The following SULT1A1 variants were observed in gnomAD, a reference collection of about 807,000 sequenced individuals.
SULT1A1 encodes sulfotransferase family 1A member 1, also known as sulfotransferase 1A1.
Under a neutral mutation model 36.8 loss-of-function variants are expected in SULT1A1, and 35 were observed. The ratio of observed to expected loss-of-function variants is 0.95; its 90% CI spans 0.73 to 1.26. The LOEUF is 1.26. Ranked by LOEUF, SULT1A1 falls within the 50% of genes most tolerant of loss-of-function variation. The pLI is 0.00. For missense variants in SULT1A1, 309 were observed against 383.0 expected (o/e 0.81, Z 1.61); for synonymous variants, 119 against 146.0 (o/e 0.82, Z 1.33).
chr16:28,607,358 A>T, intron 4 of SULT1A1: 1 of 507,334 alleles, frequency 2.0e-6, no homozygotes, highest in Non-Finnish European at 3.3e-6. Flanking sequence ...TCCCACCGCC[A>T]CCAAATTTTG....
rs1303232421 is a variant in SULT1A1, at chr16:28,609,942, G to T, written c.-16C>A. 1 of 1,287,606 alleles carries T rather than the reference G, an allele frequency of 7.8e-7. No individual in the cohort carries two copies. The highest frequency in any genetic ancestry group is 1.0e-6 in the Non-Finnish European group (1 of 987,228). 79.8% of individuals were successfully genotyped at this position (1,287,606 alleles called of 1,614,324 possible). On this transcript the variant is annotated 5_prime_UTR_variant, in exon 1 of 8. Transcript: ENST00000314752. ...ACTGTGTCACTCACCTGAGCTCTTG[G>T]GAACCTGGCCTCGTGCCCTCCTCGC...
At chr16:28,608,988 C>A in intron 1 of SULT1A1, 129 bp from the exon 2 acceptor site, 4 of 1,575,330 alleles carry the variant, frequency 2.5e-6, no homozygotes, top group South Asian at 1.1e-5. Flanking sequence ...CTCACAAAGC[C>A]ACTCAGTGGC....
intron 1 of SULT1A1, chr16:28,609,563 A>G: frequency 2.2e-6 from 1 of 455,200 alleles, no homozygotes. Context: ...CTGGTGCAGC[A>G]TTGCAAGACC....
intron 1 of SULT1A1, among the ~76,000 whole-genome samples, chr16:28,621,928 C>T (rs1312055898): frequency 1.3e-5 from 2 of 152,196 alleles, no homozygotes; most frequent in Non-Finnish European, 2.9e-5. Context: ...CTGACCTCAA[C>T]CTGTTCTTCC....
intron 6 of SULT1A1, 105 bp from the exon 7 acceptor site, chr16:28,606,341 G>A: frequency 6.3e-7 from 1 of 1,574,986 alleles, no homozygotes; most frequent in African/African-American, 1.3e-5. Context: ...ACTTCTCCTA[G>A]AAACCCTGCA....
rs558683623 is a variant in SULT1A1, at chr16:28,615,724, G to T, written c.138+4339C>A. Among the ~76,000 whole-genome samples the T allele has an allele frequency of 1.2e-4, 18 of 152,320 alleles. No homozygotes were observed. In the East Asian group the frequency reaches 3.3e-3, roughly 28 times the overall value. On this transcript the variant is annotated intron_variant, in intron 2 of 5. Coordinates refer to the SULT1A1 transcript ENST00000350842. ...CGTCGGGCTGCGCTGTTATTTATTG[G>T]ATACAAGGCTGAAGGGTCAGGGTAA...
chr16:28,610,117 G>C (rs1355100260), upstream of SULT1A1: 2 of 1,285,366 alleles, frequency 1.6e-6, no homozygotes, highest in South Asian at 1.2e-5. Flanking sequence ...GGGTGGGGGA[G>C]CTTCTCCATT....
intron 1 of SULT1A1, chr16:28,609,652 A>G (rs1417255739): frequency 5.2e-6 from 2 of 385,938 alleles, no homozygotes; most frequent in Admixed American, 4.1e-5. Flanking sequence ...TAGCTACTCC[A>G]GAGGCTGAGG....
chr16:28,616,491 T>C (rs1395463526), intron 2 of SULT1A1, among the ~76,000 whole-genome samples: 1 of 152,158 alleles, frequency 6.6e-6, no homozygotes, highest in Non-Finnish European at 1.5e-5. Flanking sequence ...TTTCACCATT[T>C]TGGTCTGGCT....
chr16:28,621,819 A>C (rs1477703726), intron 1 of SULT1A1, among the ~76,000 whole-genome samples: 2 of 152,122 alleles, frequency 1.3e-5, no homozygotes, highest in Non-Finnish European at 2.9e-5. Context: ...AATTGCAATG[A>C]TGATAGAGGC....
rs764790769 is a variant in SULT1A1 at position 28,606,195 on chromosome 16, C to A, written c.636G>T (p.Gly212=). ...REIQKILEFV[G]RSLPEETVDF... ...CCACGGTCTCCTCTGGCAGGGAGCG[C>A]CCCACAAACTCCAGGATCTTTTGAA... Residue 212 remains glycine, a synonymous_variant, in exon 7 of 8, where the codon GGG becomes GGT. Coordinates refer to ENST00000314752, the MANE Select transcript of SULT1A1 (RefSeq NM_001055.4). 25 of 1,611,494 alleles carry A rather than the reference C, an allele frequency of 1.6e-5. No homozygotes were observed. The highest frequency in any genetic ancestry group is 2.1e-5 in the Non-Finnish European group (25 of 1,178,102).
intron 1 of SULT1A1, chr16:28,609,278 C>T: frequency 7.9e-7 from 1 of 1,258,966 alleles, no homozygotes; most frequent in African/African-American, 1.5e-5. Context: ...CAGCCTCCAC[C>T]CAGTGGAGAT....
intron 4 of SULT1A1, chr16:28,608,071 T>G: frequency 1.6e-6 from 1 of 638,946 alleles, no homozygotes; most frequent in Non-Finnish European, 2.6e-6. Context: ...CACCACAACC[T>G]CCTTCTCCCG....
At chr16:28,615,502 C>T (rs1186088576) in intron 2 of SULT1A1, among the ~76,000 whole-genome samples, 13 of 146,798 alleles carry the variant, frequency 8.9e-5, no homozygotes, top group South Asian at 2.4e-4. Context: ...GAGCTTGCGC[C>T]GGATCATCCC....
chr16:28,618,919 C>A (rs899002433), intron 2 of SULT1A1, among the ~76,000 whole-genome samples: 4 of 152,142 alleles, frequency 2.6e-5, no homozygotes, highest in Non-Finnish European at 5.9e-5. Context: ...CCTTTGGCTG[C>A]AAAATTTACA....
upstream of SULT1A1, chr16:28,610,341 C>G (rs1478666942): frequency 2.9e-6 from 2 of 692,520 alleles, 1 homozygote; most frequent in African/African-American, 3.8e-5. Context: ...CCCTGCCAGG[C>G]AGCCAACAGA....
At chr16:28,621,244 G>A (rs1366335972) in intron 1 of SULT1A1, among the ~76,000 whole-genome samples, 1 of 151,874 alleles carries the variant, frequency 6.6e-6, no homozygotes, top group Non-Finnish European at 1.5e-5. Flanking sequence ...CACTTTGGGA[G>A]GCCATGATGG....
intron 1 of SULT1A1, 172 bp downstream of exon 1, chr16:28,609,759 A>G (rs1286918758): frequency 3.7e-6 from 3 of 821,890 alleles, no homozygotes; most frequent in Non-Finnish European, 4.9e-6. Context: ...CTCCCCGGGG[A>G]AAAAAACAAA....
In SULT1A1 at chr16:28,605,381, C is replaced by T. The variant is rs2047134854; in HGVS notation, c.*440G>A. 2 of 281,030 alleles carry T rather than the reference C, an allele frequency of 7.1e-6. No homozygotes were observed. The highest frequency in any genetic ancestry group is 3.4e-5 in the South Asian group (1 of 29,766). The allele number at this position is 281,030 out of a possible 1,614,324, so 17.4% of individuals were successfully genotyped here. A position where few individuals can be genotyped will look rare whatever the true frequency, so the allele number is the denominator to read the frequency against. On this transcript the variant is annotated 3_prime_UTR_variant, in exon 8 of 8. Coordinates refer to ENST00000314752, the MANE Select transcript of SULT1A1 (RefSeq NM_001055.4). ...AACCTCCCTGGCTCAGGCGATCCTC[C>T]TGCCTTCACTTGTCAAGTAGCTGGG...
Sources: gnomAD v4.1 joint callset for allele counts (sites outside exome capture counted in the v4.1 genomes callset) on GRCh38, gnomAD v4.1.1 for gene constraint, MANE v1.5 for transcripts, NCBI Gene and HGNC (gene_info 2026-07-23, HGNC 2026-07-21) for gene names.